MGAT5: variants seen among roughly 807,000 people sequenced by gnomAD.
MGAT5 encodes alpha-1,6-mannosylglycoprotein 6-beta-N-acetylglucosaminyltransferase.
A neutral mutation model predicts 94.3 loss-of-function variants in MGAT5; 30 were observed. That is an observed-to-expected ratio of 0.32 (90% CI 0.24 to 0.43). The LOEUF (loss-of-function observed/expected upper bound fraction) is 0.43, where lower values mean the gene tolerates loss of function less well. Among genes scored for constraint, MGAT5 ranks in the 20% least tolerant of loss-of-function variants. The pLI, the probability that MGAT5 is intolerant of heterozygous loss-of-function variation, is 1.00. For missense variants in MGAT5, 691 were observed against 905.5 expected (o/e 0.76, Z 3.04); for synonymous variants, 310 against 322.9 (o/e 0.96, Z 0.43).
At chr2:134,326,375 G>A (rs1215522771) in intron 4 of MGAT5, among the ~76,000 whole-genome samples, 1 of 151,936 alleles carries the variant, frequency 6.6e-6, no homozygotes, top group African/African-American at 2.4e-5. Flanking sequence ...GGCCAGTGAG[G>A]ACCTATTCAT....
intron 4 of MGAT5, among the ~76,000 whole-genome samples, chr2:134,326,040 C>CTCTT (rs1687624022): frequency 7.7e-6 from 1 of 129,894 alleles, no homozygotes; most frequent in Non-Finnish European, 1.6e-5. Context: ...ATTTCTCTTT[C>CTCTT]TCTCTCTCTC....
intron 1 of MGAT5, among the ~76,000 whole-genome samples, chr2:134,130,257 G>GCCCCACACCA (rs1558947595): frequency 2.3e-4 from 20 of 87,622 alleles, no homozygotes; most frequent in African/African-American, 8.7e-4. Context: ...GCCCCACACC[G>GCCCCACACCA]CCCCACACCG....
At chr2:134,132,509 C>T (rs1012491167) in intron 1 of MGAT5, among the ~76,000 whole-genome samples, 4 of 152,326 alleles carry the variant, frequency 2.6e-5, no homozygotes, top group South Asian at 2.1e-4. Flanking sequence ...AGAGGTCAGG[C>T]GGCACGTGAC....
At chr2:134,126,845 T>G (rs1412217012) in intron 1 of MGAT5, among the ~76,000 whole-genome samples, 1 of 152,098 alleles carries the variant, frequency 6.6e-6, no homozygotes, top group East Asian at 1.9e-4. Context: ...ACTACTACCT[T>G]TCAACATAAG....
chr2:134,378,988 G>A (rs1681371144), intron 10 of MGAT5, among the ~76,000 whole-genome samples: 1 of 152,164 alleles, frequency 6.6e-6, no homozygotes, highest in African/African-American at 2.4e-5. Context: ...TTATGTTGTG[G>A]CTGTGGTTGA....
intron 1 of MGAT5, among the ~76,000 whole-genome samples, chr2:134,231,472 A>G (rs1681361683): frequency 6.6e-6 from 1 of 152,198 alleles, no homozygotes; most frequent in African/African-American, 2.4e-5. Context: ...GTGGGTGGTA[A>G]ATGCTTCCTG....
Position 134,357,662 on chromosome 2 carries a change from G to T in MGAT5, c.1247-4613G>T, listed in dbSNP as rs779671315. ...ACCACTGAGGATTAGGATCAGCCTC[G>T]TGGTTCCTTCAGTCTGAGTCTCAGC... On this transcript the variant is annotated intron_variant, in intron 9 of 15. Coordinates refer to ENST00000281923, the MANE Select transcript of MGAT5 (RefSeq NM_002410.5). 2.6e-5 allele frequency among the ~76,000 whole-genome samples: 4 copies of T among 152,138 alleles called. No individual in the cohort carries two copies. In the South Asian group the frequency reaches 8.3e-4, roughly 32 times the overall value.
At chr2:134,132,748 T>C (rs1190965911) in intron 1 of MGAT5, among the ~76,000 whole-genome samples, 1 of 152,238 alleles carries the variant, frequency 6.6e-6, no homozygotes, top group African/African-American at 2.4e-5. Flanking sequence ...GTTGTGACCT[T>C]CTGTTTGGAA....
chr2:134,405,807 A>T (rs762876283), intron 11 of MGAT5, among the ~76,000 whole-genome samples: 1 of 152,224 alleles, frequency 6.6e-6, no homozygotes, highest in Non-Finnish European at 1.5e-5. Context: ...CAATCTTAGG[A>T]AACCCTCTGC....
chr2:134,284,066 C>T (rs1684864236), intron 2 of MGAT5, among the ~76,000 whole-genome samples: 1 of 152,140 alleles, frequency 6.6e-6, no homozygotes, highest in African/African-American at 2.4e-5. Flanking sequence ...ATCTTTGTTT[C>T]CTCTTTCAGA....
chr2:134,345,735 G>A (rs1688881956), intron 8 of MGAT5, among the ~76,000 whole-genome samples: 1 of 152,128 alleles, frequency 6.6e-6, no homozygotes, highest in Non-Finnish European at 1.5e-5. Context: ...TTGAGAAAAG[G>A]TGTAGTTTGA....
At chr2:134,317,451 A>T in intron 2 of MGAT5, 78 bp from the exon 3 acceptor site, 2 of 1,085,584 alleles carry the variant, frequency 1.8e-6, no homozygotes, top group Non-Finnish European at 2.6e-6. Context: ...TTCTCTCCCT[A>T]CCTCTTGGCT....
chr2:134,243,598 G>A (rs1342550162), intron 1 of MGAT5, among the ~76,000 whole-genome samples: 1 of 152,212 alleles, frequency 6.6e-6, no homozygotes, highest in Non-Finnish European at 1.5e-5. Flanking sequence ...GTGCGATTGA[G>A]TGGCTTGACT....
intron 10 of MGAT5, among the ~76,000 whole-genome samples, chr2:134,400,512 C>G (rs1449645479): frequency 6.6e-6 from 1 of 152,154 alleles, no homozygotes. Context: ...AACTTGCCCC[C>G]TTGTTATACT....
chr2:134,402,916 C>G (rs775813204), intron 10 of MGAT5, 72 bp from the exon 11 acceptor site: 116 of 1,441,574 alleles, frequency 8.0e-5, no homozygotes, highest in Non-Finnish European at 1.0e-4. Flanking sequence ...CTTAGAAGTT[C>G]TAGTCCATGA....
At chr2:134,146,900 T>G (rs1686947208) in intron 1 of MGAT5, among the ~76,000 whole-genome samples, 1 of 152,182 alleles carries the variant, frequency 6.6e-6, no homozygotes, top group African/African-American at 2.4e-5. Flanking sequence ...CTGGAGTCAT[T>G]AGAAAAGTAT....
At chr2:134,147,786 C>T (rs1244466138) in intron 1 of MGAT5, among the ~76,000 whole-genome samples, 3 of 152,138 alleles carry the variant, frequency 2.0e-5, no homozygotes, top group African/African-American at 7.2e-5. Flanking sequence ...CCTCCTTCCA[C>T]GTCTATGCCT....
At chr2:134,176,321 C>A (rs6745206) in intron 1 of MGAT5, among the ~76,000 whole-genome samples, 12,379 of 143,568 alleles carry the variant, frequency 0.086, 1,143 homozygotes, top group African/African-American at 0.25. Flanking sequence ...GCCTGTAATC[C>A]CAGCACTTTG....
intron 1 of MGAT5, among the ~76,000 whole-genome samples, chr2:134,267,470 G>A (rs1439793244): frequency 2.0e-5 from 3 of 152,190 alleles, no homozygotes; most frequent in Non-Finnish European, 2.9e-5. Context: ...TGGGGTGGCC[G>A]TGGTGATGGT....
Sources: allele counts gnomAD v4.1 joint callset (sites outside exome capture counted in the v4.1 genomes callset), GRCh38; gene constraint gnomAD v4.1.1; transcripts MANE v1.5; gene names NCBI Gene and HGNC (gene_info 2026-07-23, HGNC 2026-07-21).